The following TMEM108 variants were observed in gnomAD, a reference collection of about 807,000 sequenced individuals.
TMEM108 encodes transmembrane protein 108.
TMEM108 carries 12 observed loss-of-function variants against 35.1 expected under a neutral mutation model. The ratio of observed to expected loss-of-function variants is 0.34; its 90% CI spans 0.22 to 0.55. The LOEUF (loss-of-function observed/expected upper bound fraction) is 0.55. Ranked by LOEUF, TMEM108 falls within the 20% of genes least tolerant of loss-of-function variation. The pLI, the probability that TMEM108 is intolerant of heterozygous loss-of-function variation, is 0.89. For missense variants in TMEM108, 680 were observed against 753.3 expected (o/e 0.90, Z 1.14); for synonymous variants, 287 against 308.6 (o/e 0.93, Z 0.73).
chr3:133,123,762 ATGT>A (rs1944382041), intron 2 of TMEM108, among the ~76,000 whole-genome samples: 1 of 152,220 alleles, frequency 6.6e-6, no homozygotes, highest in Non-Finnish European at 1.5e-5. Context: ...CCAGCAGGAA[ATGT>A]TGTCTATAAA....
chr3:133,139,666 A>C (rs1000889881), intron 2 of TMEM108, among the ~76,000 whole-genome samples: 1 of 152,254 alleles, frequency 6.6e-6, no homozygotes, highest in East Asian at 1.9e-4. Context: ...AGATAAGGGG[A>C]TCTTTAAAAG....
At chr3:133,115,780 T>C (rs982014273) in intron 2 of TMEM108, among the ~76,000 whole-genome samples, 1 of 152,262 alleles carries the variant, frequency 6.6e-6, no homozygotes, top group African/African-American at 2.4e-5. Flanking sequence ...ATGCAGGCAC[T>C]ATATCAGGTA....
intron 2 of TMEM108, among the ~76,000 whole-genome samples, chr3:133,069,602 C>T (rs1289332246): frequency 6.6e-6 from 1 of 152,136 alleles, no homozygotes; most frequent in Non-Finnish European, 1.5e-5. Flanking sequence ...TATATTTGAT[C>T]CTTTATTTAA....
chr3:133,386,192 C>T (rs946777628), intron 4 of TMEM108, among the ~76,000 whole-genome samples: 3 of 152,158 alleles, frequency 2.0e-5, no homozygotes, highest in Admixed American at 6.5e-5. Context: ...GCTGCAACCT[C>T]GAAGACTTGT....
In TMEM108 at chr3:133,305,515, AAAAT is replaced by A. The variant is rs150891344; in HGVS notation, c.41-74217_41-74214del. On this transcript the variant is annotated intron_variant, in intron 3 of 5. Transcript: ENST00000321871. ...TGTACCCTGAAATATAAAGTATAATAAAATAAATAAATAAATAAATAAAAGAAAG... is the reference window on the plus strand; with the variant it reads ...TGTACCCTGAAATATAAAGTATAATAAAATAAATAAATAAATAAAAGAAAG... 2.3e-3 allele frequency among the ~76,000 whole-genome samples: 355 copies of A among 151,126 alleles called. 2 individuals are homozygous for A. The highest frequency in any genetic ancestry group is 6.7e-3 in the African/African-American group (278 of 41,312).
At chr3:133,147,074 T>G (rs1304004440) in intron 2 of TMEM108, among the ~76,000 whole-genome samples, 1 of 152,206 alleles carries the variant, frequency 6.6e-6, no homozygotes, top group South Asian at 2.1e-4. Flanking sequence ...TGTAGATCTT[T>G]CCTGCTTTCT....
At chr3:133,196,371 G>T (rs1461867979) in intron 2 of TMEM108, among the ~76,000 whole-genome samples, 1 of 152,170 alleles carries the variant, frequency 6.6e-6, no homozygotes, top group Non-Finnish European at 1.5e-5. Context: ...ATACAAGATT[G>T]CTAATCAAAA....
intron 2 of TMEM108, among the ~76,000 whole-genome samples, chr3:133,055,121 A>G (rs1521094): frequency 0.55 from 82,930 of 152,018 alleles, 22,738 homozygotes; most frequent in Admixed American, 0.6. Flanking sequence ...CATCCCCTGT[A>G]TTGAATTTTT....
At position 133,380,356 on chromosome 3, in the gene TMEM108, A is replaced by G; in HGVS notation, c.645A>G (p.Lys215=). The G allele has an allele frequency of 6.2e-7, 1 of 1,613,982 alleles. No individual in the cohort carries two copies. Among genetic ancestry groups the G allele is most frequent in the Non-Finnish European group, 8.5e-7 (1 of 1,179,962 alleles). The change falls in exon 4 of 6, where the codon AAA becomes AAG. Residue 215 remains lysine (K), a synonymous_variant. Coordinates refer to ENST00000321871, the MANE Select transcript of TMEM108 (RefSeq NM_023943.4). This position sits in a 1 kb window ranked among gnomAD's most constrained non-coding sequence, Gnocchi z 5.3. ...TGGGGCAGAAGCGGCCCCTGGGGAA[A>G]ATCTTTCAGATCTACAAGGGCAACT... ...TPLGQKRPLG[K]IFQIYKGNFT...
intron 3 of TMEM108, among the ~76,000 whole-genome samples, chr3:133,314,359 T>C (rs1001905023): frequency 3.3e-5 from 5 of 152,218 alleles, no homozygotes; most frequent in South Asian, 2.1e-4. Context: ...TAGATGCTAA[T>C]TGAAGGCACA....
At chr3:133,168,455 G>GAT (rs1945077434) in intron 2 of TMEM108, among the ~76,000 whole-genome samples, 1 of 152,118 alleles carries the variant, frequency 6.6e-6, no homozygotes, top group Non-Finnish European at 1.5e-5. Flanking sequence ...CTTTTCTTAG[G>GAT]AACCTACTGA....
intron 2 of TMEM108, among the ~76,000 whole-genome samples, chr3:133,094,087 G>T (rs1454085761): frequency 6.6e-6 from 1 of 152,108 alleles, no homozygotes; most frequent in Non-Finnish European, 1.5e-5. Flanking sequence ...TTCCGGTTTA[G>T]TCCTTGTTTC....
chr3:133,171,208 TAGCA>T (rs1190312576), intron 2 of TMEM108, among the ~76,000 whole-genome samples: 1 of 152,224 alleles, frequency 6.6e-6, no homozygotes, highest in Non-Finnish European at 1.5e-5. Context: ...TGAAAGAAGT[TAGCA>T]AAGCTTTAGT....
intron 3 of TMEM108, among the ~76,000 whole-genome samples, chr3:133,319,926 T>C (rs2071245261): frequency 6.6e-6 from 1 of 152,132 alleles, no homozygotes; most frequent in South Asian, 2.1e-4. Context: ...ACTGAAATAG[T>C]CTACCCAGAT....
At chr3:133,188,208 G>A (rs909120269) in intron 2 of TMEM108, among the ~76,000 whole-genome samples, 5 of 152,160 alleles carry the variant, frequency 3.3e-5, no homozygotes, top group African/African-American at 9.6e-5. Context: ...CTTTCCCATC[G>A]AACCAGGCGC....
chr3:133,174,876 C>T (rs1051721108), intron 2 of TMEM108, among the ~76,000 whole-genome samples: 2 of 151,984 alleles, frequency 1.3e-5, no homozygotes, highest in African/African-American at 4.8e-5. Flanking sequence ...TCAAACTACT[C>T]CGAGCTAAAG....
At position 133,263,787 on chromosome 3, in the gene TMEM108, G is replaced by A. The variant is rs114211808; in HGVS notation, c.40+34436G>A. On this transcript the variant is annotated intron_variant, in intron 3 of 5. Coordinates refer to ENST00000321871, the MANE Select transcript of TMEM108 (RefSeq NM_023943.4). ...GTCTTTTTCCAGACCACACAGCTGC[G>A]GTGAGAGGACAAGGGATAGGAGAGC... Among the ~76,000 whole-genome samples the A allele has an allele frequency of 1.9e-3, 284 of 152,296 alleles. 2 individuals are homozygous for A. The highest frequency in any genetic ancestry group is 6.5e-3 in the African/African-American group (270 of 41,556).
At chr3:133,196,761 C>T (rs1945584037) in intron 2 of TMEM108, among the ~76,000 whole-genome samples, 1 of 152,210 alleles carries the variant, frequency 6.6e-6, no homozygotes. Flanking sequence ...AAGGCTCCTT[C>T]AGTGACTTTT....
chr3:133,177,952 A>C (rs1376178190), intron 2 of TMEM108, among the ~76,000 whole-genome samples: 1 of 152,236 alleles, frequency 6.6e-6, no homozygotes, highest in Non-Finnish European at 1.5e-5. Flanking sequence ...GCTGATAGGC[A>C]ACTTCAACAA....
Sources: gnomAD v4.1 joint callset for allele counts (sites outside exome capture counted in the v4.1 genomes callset) on GRCh38, gnomAD v4.1.1 for gene constraint, Gnocchi (gnomAD v3.1) non-coding constraint, MANE v1.5 for transcripts, NCBI Gene and HGNC (gene_info 2026-07-23, HGNC 2026-07-21) for gene names.